ACTR3C: variants seen among roughly 807,000 people sequenced by gnomAD.
ACTR3C encodes the protein actin-related protein 3C.
ACTR3C carries 18 observed loss-of-function variants against 26.3 expected under a neutral mutation model. The ratio of observed to expected loss-of-function variants is 0.68; its 90% CI spans 0.47 to 1.01. ACTR3C has a LOEUF of 1.01. Among genes scored for constraint, ACTR3C ranks in the 50% least tolerant of loss-of-function variants. The pLI, the probability that ACTR3C is intolerant of heterozygous loss-of-function variation, is 0.00. For missense variants in ACTR3C, 184 were observed against 250.7 expected (o/e 0.73, Z 1.80); for synonymous variants, 55 against 94.5 (o/e 0.58, Z 2.42).
chr7:149,912,091 T>A, the ACTR3C span, among the ~76,000 whole-genome samples: 1 of 152,066 alleles, frequency 6.6e-6, no homozygotes, highest in Non-Finnish European at 1.5e-5. Context: ...TAGCATTCAT[T>A]CTTCCCACTG....
At chr7:149,948,290 G>T in the ACTR3C span, among the ~76,000 whole-genome samples, 2,198 of 125,940 alleles carry the variant, frequency 0.017, 6 homozygotes, top group African/African-American at 0.069. Context: ...GGTGACAGAC[G>T]TGGCCATGCC....
the ACTR3C span, among the ~76,000 whole-genome samples, chr7:150,212,023 A>G: frequency 6.8e-6 from 1 of 147,026 alleles, no homozygotes; most frequent in Non-Finnish European, 1.5e-5. Flanking sequence ...GAAAATACAG[A>G]CACTGAAAGA....
chr7:150,269,208 A>T (rs1247406420), intron 6 of ACTR3C, among the ~76,000 whole-genome samples: 1 of 94,076 alleles, frequency 1.1e-5, no homozygotes, highest in Non-Finnish European at 2.0e-5. Flanking sequence ...GTGTTAAGTG[A>T]CAGGCTCTAT....
chr7:150,209,511 A>T, the ACTR3C span, among the ~76,000 whole-genome samples: 1 of 150,828 alleles, frequency 6.6e-6, no homozygotes, highest in African/African-American at 2.5e-5. Context: ...TTTCGAGTTA[A>T]TATTTTCATA....
At chr7:149,884,271 G>A in the ACTR3C span, among the ~76,000 whole-genome samples, 40 of 152,334 alleles carry the variant, frequency 2.6e-4, no homozygotes, top group South Asian at 4.1e-3. Context: ...ACTGGAAGAT[G>A]AGGGCAGATG....
intron 6 of ACTR3C, among the ~76,000 whole-genome samples, chr7:150,251,785 T>A (rs1252199008): frequency 6.6e-6 from 1 of 152,166 alleles, no homozygotes; most frequent in Non-Finnish European, 1.5e-5. Flanking sequence ...ATTACTAAGA[T>A]ATAAAAGCCA....
the ACTR3C span, among the ~76,000 whole-genome samples, chr7:150,006,445 C>T: frequency 0.025 from 3,721 of 148,314 alleles, 80 homozygotes; most frequent in Non-Finnish European, 0.04. Flanking sequence ...GATCCGCCCG[C>T]CTCGGCCTCC....
the ACTR3C span, among the ~76,000 whole-genome samples, chr7:150,110,267 GAA>G: frequency 1.3e-5 from 2 of 151,944 alleles, no homozygotes; most frequent in African/African-American, 2.4e-5. Context: ...AAAACAGTAA[GAA>G]AGAGTTGTCT....
chr7:149,938,969 TAC>T, the ACTR3C span, among the ~76,000 whole-genome samples: 8 of 146,852 alleles, frequency 5.4e-5, no homozygotes, highest in African/African-American at 7.6e-5. Context: ...ATATATTATA[TAC>T]ATATATATGT....
At chr7:149,923,934 T>C in the ACTR3C span, among the ~76,000 whole-genome samples, 5 of 151,492 alleles carry the variant, frequency 3.3e-5, no homozygotes, top group African/African-American at 1.2e-4. Flanking sequence ...GAGGTGGAGG[T>C]TGCAGTGAGT....
chr7:150,077,320 T>C, the ACTR3C span, among the ~76,000 whole-genome samples: 1 of 152,174 alleles, frequency 6.6e-6, no homozygotes, highest in Non-Finnish European at 1.5e-5. Context: ...TGTGTGTGTG[T>C]GTGCACACAA....
At position 150,311,989 on chromosome 7, in the gene ACTR3C, T is replaced by TA. The variant is rs111620118; in HGVS notation, c.-52+11479dup. Among the ~76,000 whole-genome samples, 601 of 152,328 alleles carry TA rather than the reference T, an allele frequency of 3.9e-3. 6 individuals carry two copies. Among genetic ancestry groups the TA allele is most frequent in the African/African-American group, 0.014 (576 of 41,572 alleles). On this transcript the variant is annotated intron_variant, in intron 1 of 7. Transcript: ENST00000683684. ...GGCTCTTCCATTATCAATGCCTCTC[T>TA]AATAAAGGCCCTTCTTAAGGCTGCT...
chr7:150,179,230 A>G, the ACTR3C span, among the ~76,000 whole-genome samples: 1 of 143,894 alleles, frequency 6.9e-6, no homozygotes, highest in East Asian at 1.9e-4. Flanking sequence ...TATAAAAGAA[A>G]ATCTGATGAA....
chr7:150,033,767 CA>C, the ACTR3C span, among the ~76,000 whole-genome samples: 47 of 139,858 alleles, frequency 3.4e-4, no homozygotes, highest in Admixed American at 6.4e-4. Flanking sequence ...GGGGTGCTTC[CA>C]CCTCCTGCGA....
chr7:150,128,621 C>A, the ACTR3C span, among the ~76,000 whole-genome samples: 1 of 151,596 alleles, frequency 6.6e-6, no homozygotes. Flanking sequence ...CTTCACTCCT[C>A]CTAGAGCACA....
chr7:149,944,602 C>G, the ACTR3C span, among the ~76,000 whole-genome samples: 16 of 150,120 alleles, frequency 1.1e-4, no homozygotes, highest in Non-Finnish European at 2.1e-4. Context: ...AGCTGCTGGT[C>G]GCACCCCATC....
chr7:149,931,438 G>A, the ACTR3C span, among the ~76,000 whole-genome samples: 70,323 of 151,322 alleles, frequency 0.46, 16,290 homozygotes, highest in South Asian at 0.53. Context: ...TGAGAAGGAT[G>A]GCTCACAGGT....
At chr7:149,928,354 G>C in the ACTR3C span, among the ~76,000 whole-genome samples, 2 of 148,068 alleles carry the variant, frequency 1.4e-5, no homozygotes, top group Admixed American at 6.8e-5. Context: ...TAGCCCGCCA[G>C]TGTGCCCGGC....
chr7:149,969,505 G>GC, the ACTR3C span, among the ~76,000 whole-genome samples: 1 of 152,194 alleles, frequency 6.6e-6, no homozygotes, highest in South Asian at 2.1e-4. Context: ...CTTCTCCAGC[G>GC]CAAGTAAAGC....
Sources: gnomAD v4.1 joint callset for allele counts (sites outside exome capture counted in the v4.1 genomes callset) on GRCh38, gnomAD v4.1.1 for gene constraint, MANE v1.5 for transcripts, NCBI Gene and HGNC (gene_info 2026-07-23, HGNC 2026-07-21) for gene names.